The following ITGB1BP1 variants were observed in gnomAD, a reference collection of about 807,000 sequenced individuals.
The protein encoded by ITGB1BP1 is integrin subunit beta 1 binding protein 1.
ITGB1BP1 carries 20 observed loss-of-function variants against 28.0 expected under a neutral mutation model. That is an observed-to-expected ratio of 0.71 (90% confidence interval 0.50 to 1.04). The LOEUF is 1.04. Among genes scored for constraint, ITGB1BP1 ranks in the 50% least tolerant of loss-of-function variants. The pLI is 0.00. For missense variants in ITGB1BP1, 228 were observed against 242.5 expected (o/e 0.94, Z 0.40); for synonymous variants, 103 against 89.5 (o/e 1.15, Z -0.85).
chr2:9,407,596 A>C lies in ITGB1BP1; in HGVS notation c.384T>G (p.Asp128Glu). Residue 128 changes from aspartate (D) to glutamate (E), a missense_variant and splice_region_variant, in exon 6 of 7, where the codon GAT becomes GAG. This residue lies in a region of ITGB1BP1 where 192 missense variants were observed against 181.6 expected (regional missense o/e 1.06). Transcript: ENST00000355346. ...GIKVSTSDQY[D>E]VLHRHALYLI... Reference sequence around the variant, plus strand: ...AGTAGAGAGCATGCCTGTGCAAAACATCCTGCAGAAGTCAGGAAAGATTCC... The same window carrying C: ...AGTAGAGAGCATGCCTGTGCAAAACCTCCTGCAGAAGTCAGGAAAGATTCC... 6.2e-7 allele frequency: 1 copy of C among 1,614,116 alleles called. No homozygotes were observed. The highest frequency in any genetic ancestry group is 8.5e-7 in the Non-Finnish European group (1 of 1,180,034).
chr2:9,422,134 T>C (rs55685911), intron 1 of ITGB1BP1, among the ~76,000 whole-genome samples: 29,219 of 152,178 alleles, frequency 0.19, 2,992 homozygotes, highest in Middle Eastern at 0.3. Flanking sequence ...TAAGGGACCT[T>C]GTCCTACTGG....
chr2:9,422,100 A>T (rs1679950434), intron 1 of ITGB1BP1, among the ~76,000 whole-genome samples: 1 of 152,226 alleles, frequency 6.6e-6, no homozygotes, highest in African/African-American at 2.4e-5. Flanking sequence ...TAAGGAATTC[A>T]CAAACCCAAG....
intron 2 of ITGB1BP1, among the ~76,000 whole-genome samples, chr2:9,417,974 G>A (rs1254781304): frequency 1.3e-5 from 2 of 152,086 alleles, no homozygotes; most frequent in African/African-American, 4.8e-5. Context: ...ACAAATACTC[G>A]GTGAATGAAT....
chr2:9,412,216 G>A (rs1319040480), intron 4 of ITGB1BP1, 53 bp downstream of exon 4: 2 of 1,545,978 alleles, frequency 1.3e-6, no homozygotes, highest in East Asian at 2.2e-5. Flanking sequence ...AAAGCCATGA[G>A]TTGGCTCCCC....
chr2:9,414,332 C>A (rs10185646), intron 2 of ITGB1BP1, 76 bp from the exon 3 acceptor site: 563,126 of 1,013,626 alleles, frequency 0.56, 167,343 homozygotes, highest in African/African-American at 0.77. Context: ...AACCCATTCA[C>A]ATCATTTATT....
chr2:9,407,347 T>C (rs1410314129), intron 6 of ITGB1BP1, 102 bp downstream of exon 6: 12 of 1,300,950 alleles, frequency 9.2e-6, no homozygotes, highest in Non-Finnish European at 1.3e-5. Flanking sequence ...GGCCAAGATA[T>C]TCCATATATA....
At chr2:9,411,038 T>C (rs1230714869) in intron 4 of ITGB1BP1, among the ~76,000 whole-genome samples, 1 of 152,336 alleles carries the variant, frequency 6.6e-6, no homozygotes, top group Non-Finnish European at 1.5e-5. Context: ...CAATTTACTT[T>C]CTTTTTTTTT....
chr2:9,420,715 C>A (rs1395832370), intron 1 of ITGB1BP1, among the ~76,000 whole-genome samples: 1 of 152,172 alleles, frequency 6.6e-6, no homozygotes, highest in South Asian at 2.1e-4. Context: ...CCAGGCAGGC[C>A]GCGGTAACAG....
At chr2:9,419,238 T>C (rs1679505315) in intron 1 of ITGB1BP1, among the ~76,000 whole-genome samples, 1 of 152,256 alleles carries the variant, frequency 6.6e-6, no homozygotes, top group Non-Finnish European at 1.5e-5. Flanking sequence ...CTTCTTGTCC[T>C]ACAGGTGTGA....
In ITGB1BP1 at chr2:9,414,583, T is replaced by A. The variant is rs13421142; in HGVS notation, c.73-327A>T. On this transcript the variant is annotated intron_variant, in intron 2 of 6. Coordinates refer to ENST00000355346, the MANE Select transcript of ITGB1BP1 (RefSeq NM_004763.5). ...TTCTATGAATATTCTTGCGAACATC[T>A]CTGCCTTGCTTTCACATGAGTTCCA... Among the ~76,000 whole-genome samples, 237 of 152,390 alleles carry A rather than the reference T, an allele frequency of 1.6e-3. 2 individuals carry two copies. Among genetic ancestry groups the A allele is most frequent in the African/African-American group, 5.3e-3 (222 of 41,590 alleles).
intron 2 of ITGB1BP1, among the ~76,000 whole-genome samples, chr2:9,416,396 AC>A (rs778144839): frequency 6.6e-6 from 1 of 151,912 alleles, no homozygotes; most frequent in Admixed American, 6.6e-5. Context: ...ACAGCAGAGG[AC>A]CCTCCACCGT....
At chr2:9,413,226 G>A (rs1192602268) in intron 3 of ITGB1BP1, among the ~76,000 whole-genome samples, 1 of 152,202 alleles carries the variant, frequency 6.6e-6, no homozygotes, top group Non-Finnish European at 1.5e-5. Context: ...ACTAGGACAG[G>A]TTCCTGAAGG....
rs546309854 is a variant in ITGB1BP1, at chr2:9,404,623, G to A, written c.*2211C>T. The A allele has an allele frequency of 3.9e-5, 6 of 152,662 alleles. No homozygotes were observed. In the East Asian group the frequency reaches 1.2e-3, roughly 29 times the overall value. The allele number at this position is 152,662 out of a possible 1,614,324, so 9.5% of individuals were successfully genotyped here. On this transcript the variant is annotated 3_prime_UTR_variant, in exon 7 of 7. Transcript: ENST00000355346. ...CACTTGGACTTTTAACAAAAGTAAA[G>A]GAATAAATTTGCATATAGGCTTGGA...
At chr2:9,412,523 T>C (rs748618721) in intron 3 of ITGB1BP1, 118 bp from the exon 4 acceptor site, 7 of 784,286 alleles carry the variant, frequency 8.9e-6, no homozygotes, top group African/African-American at 1.8e-5. Flanking sequence ...TAATTACAAA[T>C]TTTATAATAC....
chr2:9,422,795 C>T lies in ITGB1BP1; in HGVS notation c.-36+578G>A, dbSNP rs558682740. ...CACAGATCCCTCTCACCCTCACCCT[C>T]ACCGACCAGCAAGGCTGCAGGATAA... On this transcript the variant is annotated intron_variant, in intron 1 of 6. Transcript: ENST00000355346. The T allele has an allele frequency of 4.1e-5, 40 of 986,154 alleles. No individual in the cohort carries two copies. The African/African-American group carries it at 6.4e-4, about 16-fold the overall frequency. 61.1% of individuals were successfully genotyped at this position (986,154 alleles called of 1,614,324 possible). A position where few individuals can be genotyped will look rare whatever the true frequency, so the allele number is the denominator to read the frequency against.
rs373174809 is a variant in ITGB1BP1 at position 9,407,547 on chromosome 2, C to T, written c.433G>A (p.Asp145Asn). 1.4e-5 allele frequency: 23 copies of T among 1,614,020 alleles called. No individual in the cohort carries two copies. The African/African-American group carries it at 2.0e-4, about 14-fold the overall frequency. Residue 145 changes from aspartate (D) to asparagine (N), a missense_variant, in exon 6 of 7, where the codon GAT (aspartate) becomes AAT (asparagine). Transcript: ENST00000355346. ...CTTTTTCCCGCCCCCAGACCGTCAT[C>T]GTAACACACCATCCGGATTATTAAG... ...LYLIIRMVCY[D>N]DGLGAGKSLL...
At position 9,403,548 on chromosome 2, in the gene ITGB1BP1, C is replaced by T. The variant is rs1293436594; in HGVS notation, c.*3286G>A. 1.9e-6 allele frequency: 1 copy of T among 517,916 alleles called. No homozygotes were observed. Among genetic ancestry groups the T allele is most frequent in the Non-Finnish European group, 3.4e-6 (1 of 294,742 alleles). 32.1% of individuals were successfully genotyped at this position (517,916 alleles called of 1,614,324 possible). On this transcript the variant is annotated 3_prime_UTR_variant, in exon 7 of 7. Coordinates refer to ENST00000355346, the MANE Select transcript of ITGB1BP1 (RefSeq NM_004763.5). The stretch of plus-strand genomic sequence containing the variant: ...ATTGCTATGCATTTATTAGGAAAAA[C>T]TGAATTTCCCAACAGGTGAACTGAA...
chr2:9,406,762 T>C lies in ITGB1BP1; in HGVS notation c.*72A>G. On this transcript the variant is annotated 3_prime_UTR_variant, in exon 7 of 7. Transcript: ENST00000355346. ...GCAAGGGATAACTTCATTATTTGCA[T>C]AACATTTCAGCATTGCAGTTTGAAA... The C allele has an allele frequency of 1.0e-6, 1 of 992,870 alleles. No individual in the cohort carries two copies. The highest frequency in any genetic ancestry group is 1.3e-5 in the South Asian group (1 of 78,448). The allele number at this position is 992,870 out of a possible 1,614,324, so 61.5% of individuals were successfully genotyped here. A position where few individuals can be genotyped will look rare whatever the true frequency, so the allele number is the denominator to read the frequency against.
Position 9,403,511 on chromosome 2 carries a change from T to G in ITGB1BP1, c.*3323A>C, listed in dbSNP as rs1263433110. The G allele has an allele frequency of 1.2e-5, 7 of 569,650 alleles. No individual in the cohort carries two copies. Among genetic ancestry groups the G allele is most frequent in the African/African-American group, 1.9e-5 (1 of 52,786 alleles). 35.3% of individuals were successfully genotyped at this position (569,650 alleles called of 1,614,324 possible). ...CAGTAATTGTTTTTATAATTTGTGG[T>G]TTTCATGAAACATTGCTATGCATTT... On this transcript the variant is annotated 3_prime_UTR_variant, in exon 7 of 7. Coordinates refer to ENST00000355346, the MANE Select transcript of ITGB1BP1 (RefSeq NM_004763.5).
Sources: allele counts gnomAD v4.1 joint callset (sites outside exome capture counted in the v4.1 genomes callset), GRCh38; gene constraint gnomAD v4.1.1; regional missense constraint gnomAD v4.1.1; transcripts MANE v1.5; gene names NCBI Gene and HGNC (gene_info 2026-07-23, HGNC 2026-07-21).